The following CNTLN variants were observed in gnomAD, a reference collection of about 807,000 sequenced individuals.
CNTLN encodes the protein centlein.
A neutral mutation model predicts 180.0 loss-of-function variants in CNTLN; 212 were observed. The observed-to-expected ratio is 1.18, with a 90% CI of 1.05 to 1.32. The LOEUF is 1.32. Among genes scored for constraint, CNTLN ranks in the 40% most tolerant of loss-of-function variants. The probability of loss-of-function intolerance (pLI) is 0.00; values close to 1 mark genes in which losing one functional copy is unlikely to be tolerated. For synonymous variants in CNTLN, 722 were observed against 563.1 expected, an observed-to-expected ratio of 1.28 and a Z score of -3.99; for missense variants, 2,095 against 1,610.9, an observed-to-expected ratio of 1.30 and a Z score of -5.14.
At chr9:17,293,066 A>G (rs939909071) in intron 6 of CNTLN, among the ~76,000 whole-genome samples, 3 of 152,170 alleles carry the variant, frequency 2.0e-5, no homozygotes, top group South Asian at 2.1e-4. Flanking sequence ...TCCAGACCCT[A>G]TTCACTTGGG....
intron 5 of CNTLN, among the ~76,000 whole-genome samples, chr9:17,238,477 TC>T (rs1285233491): frequency 6.6e-6 from 1 of 152,158 alleles, no homozygotes; most frequent in Non-Finnish European, 1.5e-5. Flanking sequence ...GGAAAGTAGA[TC>T]TTATGACCCT....
At chr9:17,390,018 T>C (rs545952086) in intron 14 of CNTLN, among the ~76,000 whole-genome samples, 2 of 152,202 alleles carry the variant, frequency 1.3e-5, no homozygotes, top group Admixed American at 6.5e-5. Flanking sequence ...AGGGAAAAGA[T>C]AGCCATTTAC....
rs761424934 is a variant in CNTLN at position 17,466,825 on chromosome 9, A to G, written c.3789A>G (p.Leu1263=). 1.9e-6 allele frequency: 3 copies of G among 1,611,090 alleles called. No homozygotes were observed. The South Asian group carries it at 3.3e-5, about 18-fold the overall frequency. Residue 1263 remains leucine (L), a synonymous_variant, in exon 23 of 26, where the codon CTA becomes CTG. Transcript: ENST00000380647. ...TAGCATTGCAAAGTGAACAGGTCCT[A>G]GAAGGTGCACAGAAGACATTGCTGT... ...QELALQSEQV[L]EGAQKTLLLA...
At chr9:17,432,322 G>T (rs1451159994) in intron 18 of CNTLN, among the ~76,000 whole-genome samples, 1 of 152,164 alleles carries the variant, frequency 6.6e-6, no homozygotes, top group Non-Finnish European at 1.5e-5. Context: ...TATTTGAAAA[G>T]AACCATAGAG....
At chr9:17,480,358 C>CAA (rs56758433) in intron 23 of CNTLN, among the ~76,000 whole-genome samples, 34 of 148,024 alleles carry the variant, frequency 2.3e-4, no homozygotes, top group South Asian at 1.9e-3. Context: ...AAATTAATGG[C>CAA]AAAAAAAAAA....
chr9:17,302,010 TA>T, intron 7 of CNTLN: 2 of 983,702 alleles, frequency 2.0e-6, no homozygotes, highest in Non-Finnish European at 2.4e-6. Context: ...TTTACTATTG[TA>T]AATAAAGCTG....
At chr9:17,174,838 T>C (rs992638727) in intron 2 of CNTLN, among the ~76,000 whole-genome samples, 1 of 152,244 alleles carries the variant, frequency 6.6e-6, no homozygotes, top group Non-Finnish European at 1.5e-5. Context: ...TGTTTTCTTT[T>C]AGCCATTCTG....
chr9:17,465,544 C>G (rs1451081942), intron 21 of CNTLN, among the ~76,000 whole-genome samples: 1 of 148,442 alleles, frequency 6.7e-6, no homozygotes, highest in African/African-American at 2.5e-5. Context: ...TATAAATAAG[C>G]TATATATATA....
intron 15 of CNTLN, among the ~76,000 whole-genome samples, chr9:17,405,647 C>T (rs954846199): frequency 6.6e-6 from 1 of 151,690 alleles, no homozygotes; most frequent in South Asian, 2.1e-4. Flanking sequence ...AAGATGTGAA[C>T]TTTGGAGGAC....
intron 5 of CNTLN, among the ~76,000 whole-genome samples, chr9:17,273,177 G>GA (rs11444289): frequency 0.45 from 68,778 of 151,746 alleles, 16,299 homozygotes; most frequent in South Asian, 0.64. Flanking sequence ...CTTTCACAAT[G>GA]AAAAATATTT....
chr9:17,270,320 A>G (rs1402604234), intron 5 of CNTLN, among the ~76,000 whole-genome samples: 1 of 152,104 alleles, frequency 6.6e-6, no homozygotes, highest in East Asian at 1.9e-4. Context: ...TTGTTTTTAA[A>G]TCGTAAGGTG....
chr9:17,297,825 C>T (rs117625779), intron 6 of CNTLN, among the ~76,000 whole-genome samples: 7 of 152,238 alleles, frequency 4.6e-5, no homozygotes, highest in South Asian at 2.1e-4. Flanking sequence ...GAAAGGTTGA[C>T]GTACCCTTTG....
intron 1 of CNTLN, among the ~76,000 whole-genome samples, 200 bp from the exon 2 acceptor site, chr9:17,143,082 GATAGAA>G (rs1818217544): frequency 6.6e-6 from 1 of 152,198 alleles, no homozygotes; most frequent in African/African-American, 2.4e-5. Flanking sequence ...AAATATAGGT[GATAGAA>G]ATAGTAAAAG....
intron 15 of CNTLN, among the ~76,000 whole-genome samples, chr9:17,404,975 CAGTCT>C (rs1827264880): frequency 1.3e-5 from 2 of 151,636 alleles, no homozygotes; most frequent in South Asian, 4.2e-4. Flanking sequence ...TGACGTCAGG[CAGTCT>C]GCCCACCTCG....
At chr9:17,469,954 A>G (rs1048782150) in intron 23 of CNTLN, among the ~76,000 whole-genome samples, 3 of 151,934 alleles carry the variant, frequency 2.0e-5, no homozygotes, top group Non-Finnish European at 4.4e-5. Context: ...GTAAGTTACA[A>G]TAGCTAAAGA....
intron 1 of CNTLN, 69 bp downstream of exon 1, chr9:17,135,494 T>G (rs1586876091): frequency 2.0e-6 from 3 of 1,506,792 alleles, no homozygotes; most frequent in East Asian, 4.8e-5. Context: ...GAGGCGCGCC[T>G]TTCTCCCTCT....
chr9:17,339,813 T>TA (rs1587704702), intron 10 of CNTLN, among the ~76,000 whole-genome samples: 1 of 152,324 alleles, frequency 6.6e-6, no homozygotes, highest in East Asian at 1.9e-4. Context: ...AAATTCATTT[T>TA]ATATATATCT....
chr9:17,342,308 C>T lies in CNTLN; in HGVS notation c.1767-17C>T. 1 of 1,608,402 alleles carries T rather than the reference C, an allele frequency of 6.2e-7. No homozygotes were observed. The highest frequency in any genetic ancestry group is 8.5e-7 in the Non-Finnish European group (1 of 1,177,970). On this transcript the variant is annotated splice_polypyrimidine_tract_variant and intron_variant, in intron 11 of 25. Coordinates refer to ENST00000380647, the MANE Select transcript of CNTLN (RefSeq NM_017738.4). Reference sequence around the variant, plus strand: ...TCAGACATGTTAATTGAAAAAGCAACTTTGTTTTAAAAATAGGACTGAAAT... The same window carrying T: ...TCAGACATGTTAATTGAAAAAGCAATTTTGTTTTAAAAATAGGACTGAAAT...
intron 16 of CNTLN, among the ~76,000 whole-genome samples, chr9:17,412,218 G>C (rs1827900478): frequency 6.6e-6 from 1 of 152,194 alleles, no homozygotes; most frequent in Non-Finnish European, 1.5e-5. Flanking sequence ...GCAGTAATTA[G>C]ATGGTGTGCT....
Sources: gnomAD v4.1 joint callset for allele counts (sites outside exome capture counted in the v4.1 genomes callset) on GRCh38, gnomAD v4.1.1 for gene constraint, MANE v1.5 for transcripts, NCBI Gene and HGNC (gene_info 2026-07-23, HGNC 2026-07-21) for gene names.